JAZF1: variants seen among roughly 807,000 people sequenced by gnomAD.
JAZF1 encodes the protein juxtaposed with another zinc finger protein 1.
In JAZF1, 8 loss-of-function variants were observed where a neutral mutation model predicts 26.4. That is an observed-to-expected ratio of 0.30 (90% CI 0.18 to 0.55). The LOEUF (loss-of-function observed/expected upper bound fraction) is 0.55. Ranked by LOEUF, JAZF1 falls within the 20% of genes least tolerant of loss-of-function variation. JAZF1 has a pLI of 0.94. For missense variants in JAZF1, 199 were observed against 322.0 expected, an observed-to-expected ratio of 0.62 and a Z score of 2.92; for synonymous variants, 126 against 122.3, an observed-to-expected ratio of 1.03 and a Z score of -0.20.
chr7:27,833,158 G>A (rs1416507811), intron 4 of JAZF1, 182 bp from the exon 5 acceptor site: 1 of 407,602 alleles, frequency 2.5e-6, no homozygotes, highest in Non-Finnish European at 4.4e-6. Context: ...GGGCTGTACG[G>A]ATGGTCACAC....
At chr7:27,839,424 C>T (rs1427283011) in intron 4 of JAZF1, among the ~76,000 whole-genome samples, 1 of 152,206 alleles carries the variant, frequency 6.6e-6, no homozygotes, top group African/African-American at 2.4e-5. Context: ...AAGCGCTGCC[C>T]TCTGGAAAAA....
At chr7:28,167,821 A>G (rs1783392133) in intron 1 of JAZF1, among the ~76,000 whole-genome samples, 1 of 152,268 alleles carries the variant, frequency 6.6e-6, no homozygotes, top group Non-Finnish European at 1.5e-5. Context: ...CATGTTAAAA[A>G]ATAGTTAACT....
Position 27,900,929 on chromosome 7 carries a change from C to A in JAZF1, c.189-5513G>T, listed in dbSNP as rs192291894. Among the ~76,000 whole-genome samples, 45 of 151,676 alleles carry A rather than the reference C, an allele frequency of 3.0e-4. 1 individual carries two copies. Among genetic ancestry groups the A allele is most frequent in the Admixed American group, 1.2e-3 (19 of 15,250 alleles). On this transcript the variant is annotated intron_variant, in intron 2 of 4. Coordinates refer to ENST00000283928, the MANE Select transcript of JAZF1 (RefSeq NM_175061.4). ...AATAAAATAGAAATCCGTGTACCTA[C>A]CATTCAGCTTATGAAAAGAATTTTT...
At chr7:28,148,093 CAG>C (rs1445784683) in intron 1 of JAZF1, among the ~76,000 whole-genome samples, 1 of 150,280 alleles carries the variant, frequency 6.7e-6, no homozygotes, top group South Asian at 2.1e-4. Context: ...TTTTTTCAGA[CAG>C]AGTCTCACCC....
At chr7:27,971,046 A>C (rs527543822) in intron 2 of JAZF1, among the ~76,000 whole-genome samples, 4 of 152,360 alleles carry the variant, frequency 2.6e-5, no homozygotes, top group African/African-American at 9.6e-5. Flanking sequence ...GTAGGCATTC[A>C]AAAGAAGCCA....
chr7:28,092,733 G>A (rs1784323020), intron 1 of JAZF1, among the ~76,000 whole-genome samples: 1 of 151,818 alleles, frequency 6.6e-6, no homozygotes, highest in African/African-American at 2.4e-5. Flanking sequence ...AGTGACTTGT[G>A]CCTGCAGTCC....
chr7:28,131,009 T>C (rs1195051233), intron 1 of JAZF1, among the ~76,000 whole-genome samples: 1 of 152,212 alleles, frequency 6.6e-6, no homozygotes, highest in Non-Finnish European at 1.5e-5. Flanking sequence ...AATAATTTTC[T>C]GAGAATTATT....
chr7:27,857,187 C>T (rs1208905199), intron 3 of JAZF1, among the ~76,000 whole-genome samples: 3 of 152,218 alleles, frequency 2.0e-5, no homozygotes, highest in African/African-American at 4.8e-5. Context: ...CTGCAGGTCC[C>T]GAGCCCTGTT....
At chr7:27,835,454 G>A (rs919551923) in intron 4 of JAZF1, among the ~76,000 whole-genome samples, 1 of 152,174 alleles carries the variant, frequency 6.6e-6, no homozygotes, top group Admixed American at 6.5e-5. Context: ...ATTATGTTGT[G>A]TGTCTGGCAT....
At chr7:27,961,982 A>G (rs962422754) in intron 2 of JAZF1, among the ~76,000 whole-genome samples, 1 of 152,210 alleles carries the variant, frequency 6.6e-6, no homozygotes, top group Non-Finnish European at 1.5e-5. Flanking sequence ...ACTAGTGGTG[A>G]GTAACCTTTT....
At chr7:27,846,388 T>C (rs1159907286) in intron 3 of JAZF1, 4 of 431,774 alleles carry the variant, frequency 9.3e-6, no homozygotes, top group South Asian at 3.5e-5. Context: ...TGTACGTATA[T>C]ATACATATAC....
chr7:28,037,149 A>G (rs34974492), intron 1 of JAZF1, among the ~76,000 whole-genome samples: 20,499 of 152,210 alleles, frequency 0.13, 1,567 homozygotes, highest in Non-Finnish European at 0.18. Context: ...ATGATGTAGG[A>G]AAAGAAAAAG....
At chr7:27,980,430 T>C (rs1031900160) in intron 2 of JAZF1, among the ~76,000 whole-genome samples, 6 of 152,050 alleles carry the variant, frequency 3.9e-5, no homozygotes, top group African/African-American at 1.4e-4. Context: ...TGTTCAAGAG[T>C]GTAGAGTAAT....
chr7:27,857,731 C>T (rs765498100), intron 3 of JAZF1, among the ~76,000 whole-genome samples: 1 of 152,144 alleles, frequency 6.6e-6, no homozygotes, highest in Non-Finnish European at 1.5e-5. Context: ...TAGGTATTGA[C>T]GGATCATCTC....
chr7:27,996,011 G>A (rs186170778), intron 1 of JAZF1, among the ~76,000 whole-genome samples: 23 of 152,288 alleles, frequency 1.5e-4, no homozygotes, highest in Admixed American at 1.2e-3. Context: ...TGAAGCCCAC[G>A]TTGATCCTCT....
At chr7:28,120,498 G>GT (rs1345204155) in intron 1 of JAZF1, among the ~76,000 whole-genome samples, 2 of 41,066 alleles carry the variant, frequency 4.9e-5, no homozygotes, top group Non-Finnish European at 1.1e-4. Context: ...GCCACACACA[G>GT]TTCTTTTTTT....
At chr7:27,851,429 A>G (rs1783147861) in intron 3 of JAZF1, among the ~76,000 whole-genome samples, 1 of 152,180 alleles carries the variant, frequency 6.6e-6, no homozygotes, top group Non-Finnish European at 1.5e-5. Flanking sequence ...TGGGAGGATC[A>G]TTTGAAGGCA....
At chr7:28,156,469 TAGGTA>T (rs1274517696) in intron 1 of JAZF1, among the ~76,000 whole-genome samples, 1 of 152,228 alleles carries the variant, frequency 6.6e-6, no homozygotes. Flanking sequence ...ATAAGAAGTT[TAGGTA>T]AGTGGAGAAA....
intron 3 of JAZF1, among the ~76,000 whole-genome samples, chr7:27,878,847 C>A (rs1295020011): frequency 6.6e-6 from 1 of 152,222 alleles, no homozygotes; most frequent in Non-Finnish European, 1.5e-5. Flanking sequence ...CCGTTCATGT[C>A]ACTAGAATCC....
Sources: gnomAD v4.1 joint callset for allele counts (sites outside exome capture counted in the v4.1 genomes callset) on GRCh38, gnomAD v4.1.1 for gene constraint, MANE v1.5 for transcripts, NCBI Gene and HGNC (gene_info 2026-07-23, HGNC 2026-07-21) for gene names.